Variants in SCO2 observed in about 807,000 individuals in gnomAD.
SCO2 encodes the protein synthesis of cytochrome C oxidase 2, also known as cytochrome c oxidase assembly factor SCO2.
For missense variants in SCO2, 429 were observed against 348.7 expected, an observed-to-expected ratio of 1.23 and a Z score of -1.83; for synonymous variants, 195 against 148.6, an observed-to-expected ratio of 1.31 and a Z score of -2.27.
rs370450171 is a variant in SCO2 at position 50,523,645 on chromosome 22, C to T, written c.767G>A (p.Arg256Gln). 1.7e-5 allele frequency: 27 copies of T among 1,613,744 alleles called. No individual in the cohort carries two copies. Among genetic ancestry groups the T allele is most frequent in the Admixed American group, 3.3e-5 (2 of 60,004 alleles). The change falls in exon 2 of 2, where the codon CGG becomes CAG. Residue 256 changes from arginine (R) to glutamine (Q), a missense_variant. Coordinates refer to ENST00000395693, the MANE Select transcript of SCO2 (RefSeq NM_005138.3). Reference sequence around the variant, plus strand: ...GACACTGCGGAAAGCCGCCATGTGCCGCCGCACACTGTCTGAGATCTGCTC... The same window carrying T: ...GACACTGCGGAAAGCCGCCATGTGCTGCCGCACACTGTCTGAGATCTGCTC... The part of the protein sequence containing the change: ...SAEQISDSVR[R>Q]HMAAFRSVLS
At chr22:50,525,857 GGCGCGGCTCTGCGGGCCGCTGA>G (rs772501604), upstream of SCO2, 15 of 1,602,540 alleles carry the variant, frequency 9.4e-6, no homozygotes, top group African/African-American at 1.3e-5. Context: ...CCTCCTGCAG[GGCGCGGCTCTGCGGGCCGCTGA>G]GCGCGGGGCC....
upstream of SCO2, chr22:50,525,733 C>G (rs769729563): frequency 6.2e-7 from 1 of 1,600,666 alleles, no homozygotes. Context: ...CTTCCGCTCC[C>G]GCCCAAGCAC....
At chr22:50,524,656 CGCACCCTGCCCT>C (rs2069253345) in intron 1 of SCO2, 2 of 692,540 alleles carry the variant, frequency 2.9e-6, no homozygotes, top group Non-Finnish European at 2.7e-6. Flanking sequence ...AGCCTGTCAC[CGCACCCTGCCCT>C]GCACCTGCAC....
In SCO2 at chr22:50,524,279, C is replaced by G; in HGVS notation, c.133G>C (p.Glu45Gln). Residue 45 changes from glutamate (E) to glutamine (Q), a missense_variant, in exon 2 of 2, where the codon GAG becomes CAG. Physicochemically the swap from Glu to Gln is conservative, Grantham distance 29 (BLOSUM62 2). Coordinates refer to ENST00000395693, the MANE Select transcript of SCO2 (RefSeq NM_005138.3). ...SWLLSRQGPA[E>Q]TGGQGQPQGP... Reference sequence around the variant, plus strand: ...TGGGGCTGGCCCTGCCCACCTGTCTCTGCAGGGCCCTGCCTTGACAAAAGC... The same window carrying G: ...TGGGGCTGGCCCTGCCCACCTGTCTGTGCAGGGCCCTGCCTTGACAAAAGC... 1 of 1,603,674 alleles carries G rather than the reference C, an allele frequency of 6.2e-7. No individual in the cohort carries two copies. Among genetic ancestry groups the G allele is most frequent in the Non-Finnish European group, 8.5e-7 (1 of 1,179,812 alleles).
upstream of SCO2, chr22:50,526,332 C>G: frequency 6.4e-7 from 1 of 1,559,818 alleles, no homozygotes; most frequent in Non-Finnish European, 8.6e-7. Flanking sequence ...GCACAGGGCT[C>G]GGGCCAGACC....
Position 50,524,076 on chromosome 22 carries a change from C to T in SCO2, c.336G>A (p.Arg112=). 1 of 1,613,244 alleles carries T rather than the reference C, an allele frequency of 6.2e-7. No individual in the cohort carries two copies. The highest frequency in any genetic ancestry group is 1.1e-5 in the South Asian group (1 of 91,084). ...GDFHLLDHRG[R]ARCKADFRGQ... ...CCCGGAAGTCAGCCTTGCAGCGAGC[C>T]CGGCCTCTGTGATCCAGCAGGTGGA... is the stretch of plus-strand genomic sequence containing the variant. Residue 112 remains arginine, a synonymous_variant, in exon 2 of 2, where the codon CGG becomes CGA. Coordinates refer to ENST00000395693, the MANE Select transcript of SCO2 (RefSeq NM_005138.3).
At chr22:50,524,929 C>T (rs571506746) in intron 1 of SCO2, 1 of 344,478 alleles carries the variant, frequency 2.9e-6, no homozygotes, top group Admixed American at 3.9e-5. Context: ...TCAGACTCTG[C>T]CCGCCGGCTG....
chr22:50,524,234 G>A lies in SCO2; in HGVS notation c.178C>T (p.Arg60Trp), dbSNP rs753779965. The A allele has an allele frequency of 1.0e-5, 16 of 1,607,002 alleles. No homozygotes were observed. Among genetic ancestry groups the A allele is most frequent in the African/African-American group, 2.7e-5 (2 of 74,922 alleles). ...CCGAACAGGCCTGTGATCAGCAGCC[G>A]GGTTCGAAGCCCAGGGCCCTGGGGC... ...GQPQGPGLRT[R>W]LLITGLFGAG... Residue 60 changes from arginine (R) to tryptophan (W), a missense_variant, in exon 2 of 2, where the codon CGG (arginine) becomes TGG (tryptophan). Transcript: ENST00000395693.
rs753185317 is a variant in SCO2 at position 50,524,083 on chromosome 22, C to G, written c.329G>C (p.Arg110Thr). 5 of 1,613,092 alleles carry G rather than the reference C, an allele frequency of 3.1e-6. No homozygotes were observed. The highest frequency in any genetic ancestry group is 2.2e-5 in the East Asian group (1 of 44,888). ...GTCAGCCTTGCAGCGAGCCCGGCCT[C>G]TGTGATCCAGCAGGTGGAAGTCGCC... The part of the protein sequence containing the change: ...GQGDFHLLDH[R>T]GRARCKADFR... The change falls in exon 2 of 2, where the codon AGA (arginine) becomes ACA (threonine). Residue 110 changes from arginine (R) to threonine (T), a missense_variant. By Grantham distance (71) the Arg-to-Thr change is moderately conservative. Coordinates refer to ENST00000395693, the MANE Select transcript of SCO2 (RefSeq NM_005138.3).
chr22:50,525,098 G>A (rs1029541352), intron 1 of SCO2, among the ~76,000 whole-genome samples: 3 of 152,186 alleles, frequency 2.0e-5, no homozygotes, highest in East Asian at 3.9e-4. Context: ...CCCCGCAGAA[G>A]GTTTGCTAGG....
intron 1 of SCO2, among the ~76,000 whole-genome samples, chr22:50,525,033 C>A (rs926669206): frequency 1.3e-5 from 2 of 152,232 alleles, no homozygotes; most frequent in Non-Finnish European, 2.9e-5. Flanking sequence ...CTCCTCCGGG[C>A]TCACAGCCGA....
At chr22:50,526,231 T>TC (rs776542745), upstream of SCO2, 97 of 1,522,516 alleles carry the variant, frequency 6.4e-5, no homozygotes, top group Admixed American at 2.4e-4. Context: ...GGACGGGGAC[T>TC]CCCCCGACGC....
chr22:50,523,954 G>C lies in SCO2; in HGVS notation c.458C>G (p.Ala153Gly). Residue 153 changes from alanine to glycine, a missense_variant, in exon 2 of 2, where the codon GCA (alanine) becomes GGA (glycine). Transcript: ENST00000395693. ...CTGCACTGGAGGCAAACCAGGCTCTGCTTCCAGCTGCCGCACCACCTGCAC... is the reference window on the plus strand; with the variant it reads ...CTGCACTGGAGGCAAACCAGGCTCTCCTTCCAGCTGCCGCACCACCTGCAC... ...KLVQVVRQLEAEPGLPPVQPV... is the reference protein window; with the variant it reads ...KLVQVVRQLEGEPGLPPVQPV... 1.2e-6 allele frequency: 2 copies of C among 1,612,434 alleles called. No individual in the cohort carries two copies. Among genetic ancestry groups the C allele is most frequent in the Non-Finnish European group, 1.7e-6 (2 of 1,178,972 alleles).
Position 50,523,611 on chromosome 22 carries a change from T to C in SCO2, c.801A>G (p.Ter267TrpextTer?). The C allele has an allele frequency of 6.2e-7, 1 of 1,613,134 alleles. No individual in the cohort carries two copies. Among genetic ancestry groups the C allele is most frequent in the Non-Finnish European group, 8.5e-7 (1 of 1,179,956 alleles). The change falls in exon 2 of 2, where the codon TGA (stop) becomes TGG (tryptophan). Residue 267 changes from the stop codon to tryptophan, a stop_lost. Transcript: ENST00000395693. ...ATGATGGGGCCCAGACTGCAGTGGC[T>C]CAAGACAGGACACTGCGGAAAGCCG... ...HMAAFRSVLS[*>W]
At position 50,524,056 on chromosome 22, in the gene SCO2, A is replaced by G; in HGVS notation, c.356T>C (p.Phe119Ser). 1 of 1,613,314 alleles carries G rather than the reference A, an allele frequency of 6.2e-7. No individual in the cohort carries two copies. Among genetic ancestry groups the G allele is most frequent in the Non-Finnish European group, 8.5e-7 (1 of 1,180,002 alleles). Residue 119 changes from phenylalanine to serine, a missense_variant, in exon 2 of 2, where the codon TTC (phenylalanine) becomes TCC (serine). By Grantham distance (155) the Phe-to-Ser change is radical. Coordinates refer to ENST00000395693, the MANE Select transcript of SCO2 (RefSeq NM_005138.3). ...HRGRARCKAD[F>S]RGQWVLMYFG... ...GTACATCAGCACCCACTGGCCCCGG[A>G]AGTCAGCCTTGCAGCGAGCCCGGCC...
intron 1 of SCO2, chr22:50,524,726 C>G: frequency 1.7e-6 from 1 of 595,164 alleles, no homozygotes; most frequent in Non-Finnish European, 3.3e-6. Context: ...CAAGTGCATG[C>G]CTTGCCTGAA....
rs1569521493 is a variant in SCO2, at chr22:50,523,853, TTGGG to T, written c.555_558del (p.His185GlnfsTer6). On this transcript the variant is annotated frameshift_variant, in exon 2 of 2. Transcript: ENST00000395693. LOFTEE classifies it low-confidence loss of function (END_TRUNC). Reference sequence around the variant, plus strand: ...GTGGAGCCGGTCAGACCCAACAGTCTTGGGTGGAAGTCCTGGACGTAGCGGGCCA... The same window carrying T: ...GTGGAGCCGGTCAGACCCAACAGTCTTGGAAGTCCTGGACGTAGCGGGCCA... 6.2e-7 allele frequency: 1 copy of T among 1,613,984 alleles called. No individual in the cohort carries two copies. The highest frequency in any genetic ancestry group is 1.7e-5 in the Admixed American group (1 of 60,028).
At chr22:50,524,752 A>T (rs896643720) in intron 1 of SCO2, 1 of 508,148 alleles carries the variant, frequency 2.0e-6, no homozygotes, top group African/African-American at 1.9e-5. Context: ...CACGTTATCT[A>T]TTTGCAATAA....
chr22:50,526,233 C>T (rs745518122), upstream of SCO2: 9 of 1,528,962 alleles, frequency 5.9e-6, no homozygotes, highest in Non-Finnish European at 7.0e-6. Context: ...ACGGGGACTC[C>T]CCCGACGCTC....
Sources: allele counts gnomAD v4.1 joint callset (sites outside exome capture counted in the v4.1 genomes callset), GRCh38; gene constraint gnomAD v4.1.1; transcripts MANE v1.5; gene names NCBI Gene and HGNC (gene_info 2026-07-23, HGNC 2026-07-21).